The following MSRA variants were observed in gnomAD, a reference collection of about 807,000 sequenced individuals.
MSRA encodes methionine sulfoxide reductase A.
Under a neutral mutation model 31.3 loss-of-function variants are expected in MSRA, and 54 were observed. The observed-to-expected ratio is 1.73, with a 90% CI of 1.39 to 2.17. MSRA has a LOEUF of 2.17. MSRA is among the 30% of genes most tolerant of loss of function. MSRA has a pLI of 0.00. For synonymous variants in MSRA, 169 were observed against 116.5 expected (o/e 1.45, Z -2.90); for missense variants, 507 against 300.9 (o/e 1.69, Z -5.07).
At chr8:10,145,817 C>T (rs988098331) in intron 1 of MSRA, among the ~76,000 whole-genome samples, 5 of 151,966 alleles carry the variant, frequency 3.3e-5, no homozygotes, top group Admixed American at 1.3e-4. Context: ...TACATACACC[C>T]GCATCTGCAC....
chr8:10,335,727 G>T (rs1002745655), intron 5 of MSRA, among the ~76,000 whole-genome samples: 1 of 152,178 alleles, frequency 6.6e-6, no homozygotes, highest in Admixed American at 6.5e-5. Context: ...CCCAGAGGGA[G>T]GGCACCCACT....
intron 5 of MSRA, among the ~76,000 whole-genome samples, chr8:10,400,545 A>G (rs188537600): frequency 3.9e-5 from 6 of 152,268 alleles, no homozygotes; most frequent in Middle Eastern, 3.4e-3. Flanking sequence ...CTGACTTGGG[A>G]TGGTGCACCT....
At chr8:10,403,534 G>C (rs1046412624) in intron 5 of MSRA, among the ~76,000 whole-genome samples, 3 of 152,194 alleles carry the variant, frequency 2.0e-5, no homozygotes, top group African/African-American at 4.8e-5. Flanking sequence ...GGAGGTGCTC[G>C]CTGGGGAAGG....
Position 10,248,053 on chromosome 8 carries a change from C to T in MSRA, c.331+2830C>T, listed in dbSNP as rs575509971. Among the ~76,000 whole-genome samples the T allele has an allele frequency of 6.6e-5, 10 of 152,196 alleles. No individual in the cohort carries two copies. In the East Asian group the frequency reaches 1.2e-3, roughly 18 times the overall value. ...CTCAAAGCCTTGCTGAACAAGTCAG[C>T]CCTGGAGTGGTCTGACTTAAGAGAA... On this transcript the variant is annotated intron_variant, in intron 3 of 5. Transcript: ENST00000317173.
chr8:10,410,600 C>T (rs1808098374), intron 5 of MSRA, among the ~76,000 whole-genome samples: 1 of 152,136 alleles, frequency 6.6e-6, no homozygotes. Flanking sequence ...AAGGCCAAGC[C>T]TCAAGGTCAG....
chr8:10,165,647 G>T lies in MSRA; in HGVS notation c.143-42186G>T, dbSNP rs575778545. Among the ~76,000 whole-genome samples, 38 of 152,260 alleles carry T rather than the reference G, an allele frequency of 2.5e-4. No individual in the cohort carries two copies. In the South Asian group the frequency reaches 7.9e-3, roughly 32 times the overall value. On this transcript the variant is annotated intron_variant, in intron 1 of 5. Transcript: ENST00000317173. ...AAAAGCCATGATATCTCTGTAGACC[G>T]AGTCTACGTCCTAACCCCCAAATCA... is the stretch of plus-strand genomic sequence containing the variant.
intron 5 of MSRA, among the ~76,000 whole-genome samples, chr8:10,369,382 A>C (rs1449291658): frequency 6.6e-6 from 1 of 152,214 alleles, no homozygotes; most frequent in Non-Finnish European, 1.5e-5. Context: ...TGAGTGCTTT[A>C]ATTGCAGACA....
intron 5 of MSRA, among the ~76,000 whole-genome samples, chr8:10,426,954 C>T (rs1401847019): frequency 6.6e-6 from 1 of 152,266 alleles, no homozygotes; most frequent in African/African-American, 2.4e-5. Context: ...GGACCCTGCC[C>T]CTTGTCGTTC....
chr8:10,419,680 C>T (rs1049188226), intron 5 of MSRA, among the ~76,000 whole-genome samples: 2 of 152,216 alleles, frequency 1.3e-5, no homozygotes, highest in Non-Finnish European at 2.9e-5. Context: ...CTCCTGTCAT[C>T]TCCTAGAATC....
chr8:10,271,707 C>G (rs1458261998), intron 3 of MSRA, among the ~76,000 whole-genome samples: 1 of 144,098 alleles, frequency 6.9e-6, no homozygotes, highest in Non-Finnish European at 1.5e-5. Flanking sequence ...TATGTAATTT[C>G]CATGGGTAGT....
intron 1 of MSRA, among the ~76,000 whole-genome samples, chr8:10,093,158 T>C (rs1798942225): frequency 1.3e-5 from 2 of 152,218 alleles, no homozygotes; most frequent in Non-Finnish European, 2.9e-5. Context: ...CTATGTCTTT[T>C]AATTGGAGTG....
At position 10,384,913 on chromosome 8, in the gene MSRA, G is replaced by A. The variant is rs568470743; in HGVS notation, c.544-43235G>A. Among the ~76,000 whole-genome samples, 4 of 152,142 alleles carry A rather than the reference G, an allele frequency of 2.6e-5. No individual in the cohort carries two copies. In the East Asian group the frequency reaches 7.7e-4, roughly 29 times the overall value. On this transcript the variant is annotated intron_variant, in intron 5 of 5. Transcript: ENST00000317173. ...GTTGCTCAGGAAGCTGAGCCAGAAG[G>A]ATCACTTGAGCCGAGGAGGTTGAGG...
At chr8:10,320,014 C>T (rs907918116) in intron 5 of MSRA, 25 bp downstream of exon 5, 5 of 1,533,986 alleles carry the variant, frequency 3.3e-6, no homozygotes, top group African/African-American at 1.4e-5. Flanking sequence ...GCTCCTAGCC[C>T]CTGGCTTAGG....
intron 2 of MSRA, among the ~76,000 whole-genome samples, chr8:10,244,420 C>G (rs1023316518): frequency 6.6e-6 from 1 of 152,164 alleles, no homozygotes; most frequent in Non-Finnish European, 1.5e-5. Flanking sequence ...GGTATACACA[C>G]AATGTTTGCT....
chr8:10,327,360 C>G (rs1181550890), intron 5 of MSRA, among the ~76,000 whole-genome samples: 1 of 152,120 alleles, frequency 6.6e-6, no homozygotes, highest in Non-Finnish European at 1.5e-5. Context: ...TTTATTATCT[C>G]TCATCTCTGC....
chr8:10,164,144 T>G (rs1192559265), intron 1 of MSRA, among the ~76,000 whole-genome samples: 1 of 152,258 alleles, frequency 6.6e-6, no homozygotes, highest in Non-Finnish European at 1.5e-5. Context: ...TGCAGAATAC[T>G]ACTTTTAACT....
intron 1 of MSRA, among the ~76,000 whole-genome samples, chr8:10,183,789 G>C (rs1806762406): frequency 6.6e-6 from 1 of 151,030 alleles, no homozygotes; most frequent in African/African-American, 2.4e-5. Flanking sequence ...TGGTGGTGGT[G>C]GTGGTGGTGG....
chr8:10,244,450 T>G (rs1025550060), intron 2 of MSRA, among the ~76,000 whole-genome samples: 6 of 152,190 alleles, frequency 3.9e-5, no homozygotes, highest in African/African-American at 1.4e-4. Context: ...GAGTGCTACT[T>G]TTGTGAGTTT....
intron 3 of MSRA, among the ~76,000 whole-genome samples, chr8:10,260,451 C>T (rs1009315734): frequency 1.3e-5 from 2 of 152,168 alleles, no homozygotes; most frequent in Non-Finnish European, 2.9e-5. Context: ...CCCCACGACT[C>T]TAGCGGCACA....
Sources: allele counts gnomAD v4.1 joint callset (sites outside exome capture counted in the v4.1 genomes callset), GRCh38; gene constraint gnomAD v4.1.1; transcripts MANE v1.5; gene names NCBI Gene and HGNC (gene_info 2026-07-23, HGNC 2026-07-21).